HYCC2: variants seen among roughly 807,000 people sequenced by gnomAD.
HYCC2 encodes hyccin PI4KA lipid kinase complex subunit 2, also known as hyccin 2.
chr2:201,023,975 C>T, the HYCC2 span: 2 of 1,613,122 alleles, frequency 1.2e-6, no homozygotes, highest in Non-Finnish European at 1.7e-6. Flanking sequence ...TTCTGATAAC[C>T]ATTCTTCCAC....
the HYCC2 span, among the ~76,000 whole-genome samples, chr2:201,042,557 C>T: frequency 2.0e-5 from 3 of 150,982 alleles, no homozygotes; most frequent in African/African-American, 4.9e-5. Flanking sequence ...TGAGGAGCGT[C>T]TCTGACCAGC....
chr2:201,013,280 G>C, the HYCC2 span, among the ~76,000 whole-genome samples: 3 of 152,004 alleles, frequency 2.0e-5, no homozygotes, highest in African/African-American at 7.2e-5. Context: ...GACTAGCATG[G>C]CCAACAAAGC....
the HYCC2 span, chr2:200,993,052 A>C: frequency 7.7e-7 from 1 of 1,302,534 alleles, no homozygotes; most frequent in Non-Finnish European, 1.1e-6. Flanking sequence ...CATCAAATAA[A>C]ATAGTTTTTG....
chr2:201,005,725 A>C, the HYCC2 span, among the ~76,000 whole-genome samples: 1 of 152,230 alleles, frequency 6.6e-6, no homozygotes, highest in African/African-American at 2.4e-5. Flanking sequence ...AGAGACCAAC[A>C]CGATGGTCAA....
At chr2:201,015,673 GAACCTA>G in the HYCC2 span, among the ~76,000 whole-genome samples, 1 of 152,090 alleles carries the variant, frequency 6.6e-6, no homozygotes, top group Admixed American at 6.6e-5. Flanking sequence ...GCTTTAAAGA[GAACCTA>G]AACCTAAACT....
the HYCC2 span, among the ~76,000 whole-genome samples, chr2:201,006,682 T>C: frequency 4.6e-4 from 70 of 152,298 alleles, no homozygotes; most frequent in African/African-American, 1.3e-3. Context: ...ACTGGGATAA[T>C]TGTTAATGAC....
At chr2:201,003,176 C>A in the HYCC2 span, among the ~76,000 whole-genome samples, 1 of 152,176 alleles carries the variant, frequency 6.6e-6, no homozygotes, top group Non-Finnish European at 1.5e-5. Context: ...GGTCCTCCAG[C>A]CTCGGCCTCC....
the HYCC2 span, among the ~76,000 whole-genome samples, chr2:201,050,283 A>T: frequency 1.3e-5 from 2 of 151,964 alleles, no homozygotes; most frequent in Non-Finnish European, 2.9e-5. Context: ...CACATTTCTT[A>T]AAAAATATAA....
At chr2:201,041,692 A>T in the HYCC2 span, among the ~76,000 whole-genome samples, 1 of 152,224 alleles carries the variant, frequency 6.6e-6, no homozygotes, top group African/African-American at 2.4e-5. Flanking sequence ...AAATTCCAAG[A>T]GAACAGGGTA....
chr2:200,981,525 G>A, the HYCC2 span: 2 of 1,614,220 alleles, frequency 1.2e-6, no homozygotes, highest in Non-Finnish European at 1.7e-6. This position sits in a 1 kb window ranked among gnomAD's most constrained non-coding sequence, Gnocchi z 4.5. Context: ...TGGCTGTCCG[G>A]ATTAGACTTA....
At chr2:200,976,677 G>C in the HYCC2 span, 4 of 152,022 alleles carry the variant, frequency 2.6e-5, no homozygotes, top group Non-Finnish European at 5.9e-5. Context: ...TTATATAGCT[G>C]AGACTACCGC....
the HYCC2 span, chr2:200,979,344 A>G: frequency 6.6e-6 from 1 of 152,332 alleles, no homozygotes; most frequent in Non-Finnish European, 1.5e-5. Flanking sequence ...TTTTAGCTTT[A>G]CCCTGGACTT....
At chr2:201,050,412 C>T in the HYCC2 span, among the ~76,000 whole-genome samples, 121 of 151,828 alleles carry the variant, frequency 8.0e-4, no homozygotes, top group Middle Eastern at 6.8e-3. Context: ...GATGGTTTCA[C>T]TAGTGAATTC....
the HYCC2 span, chr2:201,016,916 A>G: frequency 1.6e-5 from 23 of 1,453,524 alleles, no homozygotes; most frequent in Middle Eastern, 1.8e-4. Flanking sequence ...ATTTTTCTCT[A>G]AACATTCCTT....
chr2:201,015,411 T>C, the HYCC2 span, among the ~76,000 whole-genome samples: 2 of 152,324 alleles, frequency 1.3e-5, no homozygotes, highest in Middle Eastern at 6.8e-3. Context: ...CACTGTGTTC[T>C]TACTAAGATT....
the HYCC2 span, among the ~76,000 whole-genome samples, chr2:201,056,475 G>C: frequency 6.6e-6 from 1 of 152,076 alleles, no homozygotes; most frequent in African/African-American, 2.4e-5. Flanking sequence ...GGGAGTTCGA[G>C]ACCAGCCTGA....
At chr2:201,049,646 C>G in the HYCC2 span, among the ~76,000 whole-genome samples, 1 of 152,060 alleles carries the variant, frequency 6.6e-6, no homozygotes, top group Admixed American at 6.6e-5. Context: ...AGCCACCGCA[C>G]CTGGCAAAAA....
chr2:201,042,776 G>A, the HYCC2 span, among the ~76,000 whole-genome samples: 1 of 151,268 alleles, frequency 6.6e-6, no homozygotes, highest in Non-Finnish European at 1.5e-5. Flanking sequence ...CGTCTGGGAG[G>A]TGGGGGGCGC....
chr2:201,017,466 G>T, the HYCC2 span, among the ~76,000 whole-genome samples: 9 of 151,968 alleles, frequency 5.9e-5, no homozygotes, highest in African/African-American at 2.2e-4. Context: ...TATTTGAGAA[G>T]AATTTTCCTT....
Sources: allele counts gnomAD v4.1 joint callset (sites outside exome capture counted in the v4.1 genomes callset), GRCh38; gene constraint gnomAD v4.1.1; non-coding constraint Gnocchi (gnomAD v3.1); transcripts MANE v1.5; gene names NCBI Gene and HGNC (gene_info 2026-07-23, HGNC 2026-07-21).